PLCL2: variants seen among roughly 807,000 people sequenced by gnomAD.
PLCL2 encodes the protein inactive phospholipase C-like protein 2.
A neutral mutation model predicts 79.6 loss-of-function variants in PLCL2; 4 were observed. The ratio of observed to expected loss-of-function variants is 0.05; its 90% CI spans 0.02 to 0.11. The LOEUF is 0.11. PLCL2 is among the 10% of genes least tolerant of loss of function. The pLI, the probability that PLCL2 is intolerant of heterozygous loss-of-function variation, is 1.00. For missense variants in PLCL2, 895 were observed against 1,291.0 expected, an observed-to-expected ratio of 0.69 and a Z score of 4.70; for synonymous variants, 484 against 457.7, an observed-to-expected ratio of 1.06 and a Z score of -0.73.
chr3:16,972,540 G>T (rs2063883113), intron 1 of PLCL2, among the ~76,000 whole-genome samples: 2 of 152,140 alleles, frequency 1.3e-5, no homozygotes, highest in South Asian at 4.1e-4. Context: ...GAATATCTTT[G>T]TTAGTTCCCT....
intron 3 of PLCL2, among the ~76,000 whole-genome samples, chr3:17,031,794 A>G (rs2064585492): frequency 6.6e-6 from 1 of 152,218 alleles, no homozygotes; most frequent in Non-Finnish European, 1.5e-5. Context: ...TGCTCTTCAT[A>G]TAGAAAAGCA....
At chr3:16,910,422 T>TC (rs1282630576) in intron 1 of PLCL2, among the ~76,000 whole-genome samples, 1 of 152,116 alleles carries the variant, frequency 6.6e-6, no homozygotes, top group African/African-American at 2.4e-5. Flanking sequence ...GGCTGATCAT[T>TC]CCCCTTCTTG....
chr3:16,959,366 G>A (rs1199398351), intron 1 of PLCL2, among the ~76,000 whole-genome samples: 3 of 151,932 alleles, frequency 2.0e-5, no homozygotes, highest in Admixed American at 6.6e-5. Context: ...TTTATTTTAC[G>A]AAATTCAAAG....
intron 1 of PLCL2, among the ~76,000 whole-genome samples, chr3:16,966,705 G>C (rs1228064429): frequency 1.3e-5 from 2 of 151,936 alleles, no homozygotes; most frequent in Non-Finnish European, 2.9e-5. Flanking sequence ...GCCTGTCATT[G>C]GTCTATTCAG....
chr3:16,898,784 C>T (rs1575517066), intron 1 of PLCL2, among the ~76,000 whole-genome samples: 1 of 152,230 alleles, frequency 6.6e-6, no homozygotes, highest in Non-Finnish European at 1.5e-5. Context: ...ACAGGGACCA[C>T]GGGATCTATT....
intron 1 of PLCL2, among the ~76,000 whole-genome samples, chr3:16,926,956 C>T (rs1222094517): frequency 2.6e-5 from 4 of 151,746 alleles, no homozygotes; most frequent in South Asian, 2.1e-4. Context: ...TAAGGAAGAA[C>T]GGGAAGTGGG....
chr3:16,917,002 C>T (rs1697011702), intron 1 of PLCL2, among the ~76,000 whole-genome samples: 1 of 152,166 alleles, frequency 6.6e-6, no homozygotes, highest in Admixed American at 6.5e-5. Flanking sequence ...ATAGTTTCCT[C>T]AGTAGGTTGC....
intron 1 of PLCL2, among the ~76,000 whole-genome samples, chr3:16,910,228 G>T (rs1333338524): frequency 6.6e-6 from 1 of 152,094 alleles, no homozygotes; most frequent in Non-Finnish European, 1.5e-5. Flanking sequence ...TTGAAGAGTT[G>T]TCAGTGCTCA....
chr3:16,917,873 A>C (rs930692297), intron 1 of PLCL2, among the ~76,000 whole-genome samples: 1 of 152,112 alleles, frequency 6.6e-6, no homozygotes, highest in African/African-American at 2.4e-5. Context: ...GTAGGATGCA[A>C]TATTGTGGTG....
chr3:17,072,440 G>T (rs1374644845), intron 5 of PLCL2, among the ~76,000 whole-genome samples: 1 of 152,050 alleles, frequency 6.6e-6, no homozygotes, highest in Non-Finnish European at 1.5e-5. Context: ...AGGCCGAGCT[G>T]CATGGATCAC....
At chr3:16,951,585 T>C (rs1223173686) in intron 1 of PLCL2, among the ~76,000 whole-genome samples, 1 of 152,108 alleles carries the variant, frequency 6.6e-6, no homozygotes, top group Non-Finnish European at 1.5e-5. Flanking sequence ...TTTAACTTTT[T>C]GAATTGAAAT....
At chr3:17,088,746 CA>C (rs1329119416) in intron 5 of PLCL2, among the ~76,000 whole-genome samples, 1 of 152,160 alleles carries the variant, frequency 6.6e-6, no homozygotes, top group African/African-American at 2.4e-5. Context: ...ATACACAAGA[CA>C]GCTCCCCACC....
chr3:16,885,981 A>G (rs142973149), intron 1 of PLCL2, among the ~76,000 whole-genome samples: 1 of 152,316 alleles, frequency 6.6e-6, no homozygotes, highest in African/African-American at 2.4e-5. Flanking sequence ...ACAGTTCCAC[A>G]CGATTTAATC....
At chr3:16,927,994 G>C (rs1449340075) in intron 1 of PLCL2, among the ~76,000 whole-genome samples, 1 of 152,204 alleles carries the variant, frequency 6.6e-6, no homozygotes, top group Non-Finnish European at 1.5e-5. Context: ...TTGCAGGATG[G>C]AACATACTCC....
intron 1 of PLCL2, among the ~76,000 whole-genome samples, chr3:16,974,803 G>T (rs1485645239): frequency 6.6e-6 from 1 of 152,214 alleles, no homozygotes; most frequent in East Asian, 1.9e-4. Flanking sequence ...GTAGCACTAA[G>T]ATTTAGTACC....
chr3:16,999,244 A>G (rs1450613550), intron 1 of PLCL2, among the ~76,000 whole-genome samples: 4 of 152,184 alleles, frequency 2.6e-5, no homozygotes, highest in African/African-American at 9.7e-5. Flanking sequence ...ACAGTTTCCT[A>G]GTATATCTTG....
intron 3 of PLCL2, among the ~76,000 whole-genome samples, chr3:17,042,265 A>G (rs2064731313): frequency 6.6e-6 from 1 of 152,120 alleles, no homozygotes; most frequent in African/African-American, 2.4e-5. Context: ...TCCCTTCTTC[A>G]AGCTTGGGCT....
chr3:16,924,514 C>G (rs978903491), intron 1 of PLCL2, among the ~76,000 whole-genome samples: 1 of 152,212 alleles, frequency 6.6e-6, no homozygotes, highest in Non-Finnish European at 1.5e-5. Context: ...GTTTACAACT[C>G]TGTCTTAGCC....
chr3:16,887,797 T>A lies in PLCL2; in HGVS notation c.327+2431T>A, dbSNP rs1382197284. Among the ~76,000 whole-genome samples, 2 of 147,126 alleles carry A rather than the reference T, an allele frequency of 1.4e-5. No homozygotes were observed. Among genetic ancestry groups the A allele is most frequent in the African/African-American group, 2.5e-5 (1 of 40,242 alleles). On this transcript the variant is annotated intron_variant, in intron 1 of 5. Transcript: ENST00000615277. This position sits in a 1 kb window ranked among gnomAD's most constrained non-coding sequence, Gnocchi z 4.1. ...GCAGAAATTATGTTTCACTTTTGTTTAAAAAAAAAAAGAATAAAAAGCTAA... is the reference window on the plus strand; with the variant it reads ...GCAGAAATTATGTTTCACTTTTGTTAAAAAAAAAAAAGAATAAAAAGCTAA...
Sources: gnomAD v4.1 joint callset for allele counts (sites outside exome capture counted in the v4.1 genomes callset) on GRCh38, gnomAD v4.1.1 for gene constraint, Gnocchi (gnomAD v3.1) non-coding constraint, MANE v1.5 for transcripts, NCBI Gene and HGNC (gene_info 2026-07-23, HGNC 2026-07-21) for gene names.